Variants in WWP1 observed in about 807,000 individuals in gnomAD.
WWP1 encodes NEDD4-like E3 ubiquitin-protein ligase WWP1.
A neutral mutation model predicts 130.6 loss-of-function variants in WWP1; 49 were observed. That is an observed-to-expected ratio of 0.38 (90% confidence interval 0.30 to 0.48). The LOEUF is 0.48. Among genes scored for constraint, WWP1 ranks in the 20% least tolerant of loss-of-function variants. WWP1 has a pLI of 0.99. For synonymous variants in WWP1, 332 were observed against 367.8 expected, an observed-to-expected ratio of 0.90 and a Z score of 1.11; for missense variants, 809 against 1,100.6, an observed-to-expected ratio of 0.74 and a Z score of 3.75.
chr8:86,362,163 C>CATATATAT (rs34231831), intron 1 of WWP1, among the ~76,000 whole-genome samples: 1,038 of 58,876 alleles, frequency 0.018, 61 homozygotes, highest in African/African-American at 0.042. Context: ...ATATACAAGG[C>CATATATAT]ATATATATAT....
rs187134554 is a variant in WWP1, at chr8:86,367,703, C to A, written c.-114-1236C>A. On this transcript the variant is annotated intron_variant, in intron 1 of 24. Transcript: ENST00000517970. Reference sequence around the variant, plus strand: ...CAGACTTTGTTTTTTCTTTTGCCAACCCTGCTTTCTAAATTGCTGAACCTA... The same window carrying A: ...CAGACTTTGTTTTTTCTTTTGCCAAACCTGCTTTCTAAATTGCTGAACCTA... 1.1e-3 allele frequency among the ~76,000 whole-genome samples: 163 copies of A among 152,246 alleles called. 1 individual carries two copies. The highest frequency in any genetic ancestry group is 3.7e-3 in the African/African-American group (155 of 41,550).
At chr8:86,395,735 T>G (rs1807626318) in intron 5 of WWP1, among the ~76,000 whole-genome samples, 1 of 152,176 alleles carries the variant, frequency 6.6e-6, no homozygotes, top group African/African-American at 2.4e-5. Context: ...TTTGCAAAAA[T>G]TTATGAATTA....
intron 22 of WWP1, among the ~76,000 whole-genome samples, chr8:86,459,023 C>CTTTTTTTTTTTTTTT (rs71275853): frequency 5.9e-5 from 5 of 84,254 alleles, no homozygotes; most frequent in African/African-American, 1.1e-4. Flanking sequence ...TTTCTTTTTT[C>CTTTTTTTTTTTTTTT]TTTTTTTTTT....
At chr8:86,414,053 G>T (rs985751694) in intron 9 of WWP1, among the ~76,000 whole-genome samples, 4 of 152,196 alleles carry the variant, frequency 2.6e-5, no homozygotes, top group Admixed American at 6.5e-5. Flanking sequence ...CTTTGTATTA[G>T]AATTTTGCAG....
intron 2 of WWP1, among the ~76,000 whole-genome samples, chr8:86,372,269 G>A (rs1412639748): frequency 2.0e-5 from 3 of 151,804 alleles, no homozygotes; most frequent in African/African-American, 4.8e-5. Flanking sequence ...TGATCCGCCC[G>A]TCTCGGCCTC....
intron 5 of WWP1, among the ~76,000 whole-genome samples, chr8:86,388,032 T>G (rs1825387505): frequency 6.6e-6 from 1 of 152,228 alleles, no homozygotes; most frequent in African/African-American, 2.4e-5. Context: ...GTGTTTAATT[T>G]TAAACTTGGT....
chr8:86,390,101 G>A (rs1260499030), intron 5 of WWP1, among the ~76,000 whole-genome samples: 1 of 151,596 alleles, frequency 6.6e-6, no homozygotes, highest in South Asian at 2.1e-4. Flanking sequence ...CAGACGGAGC[G>A]GCGGGGCAGA....
chr8:86,418,654 C>A (rs376298492), intron 9 of WWP1, among the ~76,000 whole-genome samples: 1 of 152,132 alleles, frequency 6.6e-6, no homozygotes, highest in African/African-American at 2.4e-5. Context: ...ACCCTAATTC[C>A]CTTCCCTGCA....
At chr8:86,455,854 C>T (rs1311813371) in intron 21 of WWP1, among the ~76,000 whole-genome samples, 1 of 151,812 alleles carries the variant, frequency 6.6e-6, no homozygotes, top group Non-Finnish European at 1.5e-5. Context: ...ATTTGCATCA[C>T]CTGATTTTAA....
At chr8:86,450,127 T>C (rs923640971) in intron 20 of WWP1, among the ~76,000 whole-genome samples, 8 of 152,198 alleles carry the variant, frequency 5.3e-5, no homozygotes, top group Non-Finnish European at 1.2e-4. Flanking sequence ...CTTTTTTCCC[T>C]TCTTGTAAAT....
intron 1 of WWP1, 87 bp downstream of exon 1, chr8:86,343,017 C>A: frequency 3.3e-6 from 1 of 304,688 alleles, no homozygotes; most frequent in Non-Finnish European, 6.0e-6. Context: ...CGGTGCTGGG[C>A]GCCCGGCGCC....
intron 24 of WWP1, among the ~76,000 whole-genome samples, chr8:86,463,597 T>G (rs1811883125): frequency 6.6e-6 from 1 of 150,958 alleles, no homozygotes; most frequent in Non-Finnish European, 1.5e-5. Flanking sequence ...TGAGCCACCA[T>G]GCCCGGCCAA....
At chr8:86,451,852 TCTTC>T (rs1189580147) in intron 20 of WWP1, among the ~76,000 whole-genome samples, 19 of 152,246 alleles carry the variant, frequency 1.2e-4, no homozygotes, top group African/African-American at 4.3e-4. Context: ...TGACAGATTT[TCTTC>T]CTTATTTCCT....
At chr8:86,447,463 T>G (rs1269314519) in intron 18 of WWP1, among the ~76,000 whole-genome samples, 2 of 152,152 alleles carry the variant, frequency 1.3e-5, no homozygotes, top group African/African-American at 2.4e-5. Flanking sequence ...GGACGGGGTT[T>G]CACTGTGTTA....
chr8:86,345,802 AAC>A (rs1822545520), intron 1 of WWP1, among the ~76,000 whole-genome samples: 1 of 152,210 alleles, frequency 6.6e-6, no homozygotes, highest in Non-Finnish European at 1.5e-5. Flanking sequence ...TATATACAGA[AAC>A]ACAATATTAC....
At chr8:86,409,226 CTTTTTTTTTT>C (rs1230976832) in intron 8 of WWP1, among the ~76,000 whole-genome samples, 40 of 100,490 alleles carry the variant, frequency 4.0e-4, no homozygotes, top group African/African-American at 1.3e-3. Flanking sequence ...CTTTTTCTTT[CTTTTTTTTTT>C]TTTTTTTTTT....
intron 18 of WWP1, among the ~76,000 whole-genome samples, chr8:86,444,836 G>A (rs1467937646): frequency 6.6e-6 from 1 of 152,174 alleles, no homozygotes; most frequent in Non-Finnish European, 1.5e-5. Flanking sequence ...GTCAAGAATG[G>A]GAGGAGAATA....
chr8:86,358,481 T>G (rs80131731), intron 1 of WWP1, among the ~76,000 whole-genome samples: 98,274 of 141,334 alleles, frequency 0.7, 33,623 homozygotes, highest in African/African-American at 0.75. Context: ...TATTGAGGAG[T>G]TTTTTTTTTT....
At position 86,377,731 on chromosome 8, in the gene WWP1, T is replaced by G. The variant is rs543552096; in HGVS notation, c.71-2995T>G. On this transcript the variant is annotated intron_variant, in intron 3 of 24. Transcript: ENST00000517970. ...GTGTATTATCTTCGATATTTTAGAT[T>G]TTAGACTTTCAACAGGAAACTGTCA... Among the ~76,000 whole-genome samples the G allele has an allele frequency of 1.1e-4, 16 of 152,272 alleles. No individual in the cohort carries two copies. In the South Asian group the frequency reaches 2.9e-3, roughly 28 times the overall value.
Sources: gnomAD v4.1 joint callset for allele counts (sites outside exome capture counted in the v4.1 genomes callset) on GRCh38, gnomAD v4.1.1 for gene constraint, MANE v1.5 for transcripts, NCBI Gene and HGNC (gene_info 2026-07-23, HGNC 2026-07-21) for gene names.